CNTN5: variants seen among roughly 807,000 people sequenced by gnomAD.
The protein encoded by CNTN5 is contactin-5.
In CNTN5, 77 loss-of-function variants were observed where a neutral mutation model predicts 129.1. The ratio of observed to expected loss-of-function variants is 0.60; its 90% CI spans 0.50 to 0.72. CNTN5 has a LOEUF of 0.72. Among genes scored for constraint, CNTN5 ranks in the 30% least tolerant of loss-of-function variants. CNTN5 has a pLI of 0.00. For synonymous variants in CNTN5, 509 were observed against 465.6 expected, an observed-to-expected ratio of 1.09 and a Z score of -1.20; for missense variants, 1,478 against 1,328.8, an observed-to-expected ratio of 1.11 and a Z score of -1.75.
chr11:100,143,254 G>T (rs189254635), intron 13 of CNTN5, among the ~76,000 whole-genome samples: 2 of 151,934 alleles, frequency 1.3e-5, no homozygotes, highest in Non-Finnish European at 2.9e-5. Flanking sequence ...CTTCATTGAC[G>T]ACATCTATAA....
intron 1 of CNTN5, among the ~76,000 whole-genome samples, chr11:99,129,565 T>G (rs1858826763): frequency 1.3e-5 from 2 of 152,072 alleles, no homozygotes; most frequent in Admixed American, 6.6e-5. Context: ...GAGAATTTAT[T>G]TAACCTAGCA....
intron 6 of CNTN5, among the ~76,000 whole-genome samples, chr11:99,903,456 A>T (rs558222919): frequency 6.6e-6 from 1 of 152,230 alleles, no homozygotes; most frequent in South Asian, 2.1e-4. Flanking sequence ...AAATGCAGTT[A>T]TCAGGTTGAA....
intron 3 of CNTN5, among the ~76,000 whole-genome samples, chr11:99,802,660 A>C (rs1044353544): frequency 1.3e-5 from 2 of 152,208 alleles, no homozygotes; most frequent in African/African-American, 2.4e-5. Context: ...GCTGTGCCAC[A>C]GTCTGCACAG....
intron 1 of CNTN5, among the ~76,000 whole-genome samples, chr11:99,199,792 T>G (rs1859078719): frequency 1.3e-5 from 2 of 152,176 alleles, no homozygotes; most frequent in Non-Finnish European, 2.9e-5. Context: ...TACACTCTAA[T>G]TAGAGAAACT....
intron 7 of CNTN5, among the ~76,000 whole-genome samples, chr11:99,931,953 A>T (rs1950202406): frequency 6.6e-6 from 1 of 152,204 alleles, no homozygotes; most frequent in South Asian, 2.1e-4. Context: ...TTATCACCAT[A>T]GAAACCTCCA....
intron 2 of CNTN5, among the ~76,000 whole-genome samples, chr11:99,490,727 G>A (rs1313561526): frequency 1.3e-5 from 2 of 152,154 alleles, no homozygotes; most frequent in African/African-American, 4.8e-5. Context: ...CTGCTTCTCA[G>A]TTTATATGGG....
chr11:100,187,470 T>G (rs1207462076), intron 13 of CNTN5, among the ~76,000 whole-genome samples: 3 of 151,434 alleles, frequency 2.0e-5, no homozygotes, highest in African/African-American at 7.3e-5. Context: ...AACCATAAAA[T>G]AGACCAAATA....
At chr11:99,221,907 T>A (rs1860414544) in intron 1 of CNTN5, among the ~76,000 whole-genome samples, 1 of 151,982 alleles carries the variant, frequency 6.6e-6, no homozygotes, top group African/African-American at 2.4e-5. Flanking sequence ...TTACTTTTAC[T>A]TTCATCTACT....
At chr11:99,977,680 A>T (rs957879711) in intron 8 of CNTN5, among the ~76,000 whole-genome samples, 6 of 152,102 alleles carry the variant, frequency 3.9e-5, no homozygotes, top group African/African-American at 9.7e-5. Context: ...CACTAGGGGG[A>T]TGGTGCTAAA....
chr11:99,502,961 A>G (rs1946480786), intron 2 of CNTN5, among the ~76,000 whole-genome samples: 1 of 152,164 alleles, frequency 6.6e-6, no homozygotes, highest in Admixed American at 6.5e-5. Flanking sequence ...GAAAATTAGG[A>G]ATTATCTTGG....
chr11:99,429,736 A>G (rs970131073), intron 2 of CNTN5, among the ~76,000 whole-genome samples: 11 of 152,150 alleles, frequency 7.2e-5, no homozygotes, highest in Non-Finnish European at 1.5e-4. Flanking sequence ...AGGAGAGATC[A>G]TGGGAATAGG....
intron 3 of CNTN5, among the ~76,000 whole-genome samples, chr11:99,690,182 G>A (rs1205365533): frequency 6.6e-6 from 1 of 152,144 alleles, no homozygotes; most frequent in South Asian, 2.1e-4. Flanking sequence ...TTATTAAGTA[G>A]GGAATCCTTT....
intron 6 of CNTN5, among the ~76,000 whole-genome samples, chr11:99,892,451 T>TGGTTTTAG (rs1949087594): frequency 6.6e-6 from 1 of 152,230 alleles, no homozygotes; most frequent in Non-Finnish European, 1.5e-5. Context: ...AGGATTTTTA[T>TGGTTTTAG]GGTTTTAGGT....
chr11:100,052,257 A>G (rs1942997801), intron 9 of CNTN5, among the ~76,000 whole-genome samples: 1 of 151,890 alleles, frequency 6.6e-6, no homozygotes, highest in South Asian at 2.1e-4. Context: ...ACAAAAAGTC[A>G]ATATTCAGCA....
At chr11:99,268,720 G>T (rs1863024466) in intron 1 of CNTN5, among the ~76,000 whole-genome samples, 1 of 151,854 alleles carries the variant, frequency 6.6e-6, no homozygotes. Context: ...GTGTTTATTT[G>T]TCCTTACAAA....
intron 1 of CNTN5, among the ~76,000 whole-genome samples, chr11:99,105,984 A>G (rs1265318982): frequency 1.3e-5 from 2 of 152,192 alleles, no homozygotes; most frequent in African/African-American, 4.8e-5. Flanking sequence ...TTATTCCCTT[A>G]TAATCACACA....
intron 7 of CNTN5, among the ~76,000 whole-genome samples, chr11:99,921,378 C>T (rs751285317): frequency 4.6e-5 from 7 of 152,136 alleles, no homozygotes; most frequent in Admixed American, 2.0e-4. Flanking sequence ...CCTTTGCAGT[C>T]GCTATTCCCT....
intron 3 of CNTN5, among the ~76,000 whole-genome samples, chr11:99,619,239 A>G (rs903648162): frequency 3.3e-5 from 5 of 152,260 alleles, no homozygotes; most frequent in Admixed American, 2.0e-4. Context: ...ATATATCCTA[A>G]AATATTTCTA....
At chr11:99,190,509 T>C (rs944411200) in intron 1 of CNTN5, among the ~76,000 whole-genome samples, 1 of 151,740 alleles carries the variant, frequency 6.6e-6, no homozygotes, top group Non-Finnish European at 1.5e-5. Context: ...TTTCATATTA[T>C]TAATTATTGC....
Sources: allele counts gnomAD v4.1 joint callset (sites outside exome capture counted in the v4.1 genomes callset), GRCh38; gene constraint gnomAD v4.1.1; transcripts MANE v1.5; gene names NCBI Gene and HGNC (gene_info 2026-07-23, HGNC 2026-07-21).